The following SPG11 variants were observed in gnomAD, a reference collection of about 807,000 sequenced individuals.
SPG11 encodes SPG11 vesicle trafficking associated, spatacsin.
Under a neutral mutation model 274.0 loss-of-function variants are expected in SPG11, and 222 were observed. The ratio of observed to expected loss-of-function variants is 0.81; its 90% CI spans 0.73 to 0.91. The LOEUF is 0.91. SPG11 is among the 40% of genes least tolerant of loss of function. The probability of loss-of-function intolerance (pLI) is 0.00; values close to 1 mark genes in which losing one functional copy is unlikely to be tolerated. For missense variants in SPG11, 3,114 were observed against 2,872.7 expected (o/e 1.08, Z -1.92); for synonymous variants, 1,144 against 1,039.7 (o/e 1.10, Z -1.93).
chr15:44,595,641 CAG>C (rs111855660), intron 25 of SPG11, among the ~76,000 whole-genome samples, 182 bp from the exon 26 acceptor site: 2 of 152,314 alleles, frequency 1.3e-5, no homozygotes, highest in African/African-American at 4.8e-5. Context: ...AACTGTCCTG[CAG>C]AGTGTTGCAG....
intron 35 of SPG11, among the ~76,000 whole-genome samples, chr15:44,568,317 T>C (rs1047484103): frequency 1.3e-5 from 2 of 152,216 alleles, no homozygotes; most frequent in Non-Finnish European, 2.9e-5. Context: ...TTAAAAACCC[T>C]TGGGGGATCT....
chr15:44,567,733 T>C (rs1319172160), intron 35 of SPG11, 141 bp from the exon 36 acceptor site: 1 of 886,600 alleles, frequency 1.1e-6, no homozygotes, highest in African/African-American at 1.7e-5. Flanking sequence ...ACAAGTTTTA[T>C]GCTGTCCCAA....
At chr15:44,570,791 G>A (rs892173435) in intron 33 of SPG11, 133 bp from the exon 34 acceptor site, 25 of 1,139,632 alleles carry the variant, frequency 2.2e-5, no homozygotes, top group Admixed American at 8.3e-5. Context: ...TCAGCCCTCC[G>A]AAGTCCCTGA....
At chr15:44,621,581 C>A in intron 14 of SPG11, 178 bp downstream of exon 14, 1 of 625,648 alleles carries the variant, frequency 1.6e-6, no homozygotes, top group East Asian at 2.9e-5. Flanking sequence ...ATTATAAATC[C>A]CTCCCAGAAA....
intron 6 of SPG11, among the ~76,000 whole-genome samples, chr15:44,651,278 TTC>T (rs1486454947): frequency 6.6e-6 from 1 of 152,160 alleles, no homozygotes; most frequent in African/African-American, 2.4e-5. Flanking sequence ...CTCTCAAACT[TTC>T]TCTTAGTATC....
chr15:44,600,085 TTA>T (rs1211676457), intron 21 of SPG11, among the ~76,000 whole-genome samples: 1 of 152,214 alleles, frequency 6.6e-6, no homozygotes, highest in East Asian at 1.9e-4. Flanking sequence ...CAAAACATAT[TTA>T]TGTTTTTTCC....
intron 25 of SPG11, among the ~76,000 whole-genome samples, 167 bp from the exon 26 acceptor site, chr15:44,595,626 T>C (rs149248720): frequency 3.9e-4 from 60 of 152,346 alleles, no homozygotes; most frequent in African/African-American, 1.4e-3. Flanking sequence ...CAAGGGACTG[T>C]TCTAAACTGT....
intron 29 of SPG11, 97 bp from the exon 30 acceptor site, chr15:44,584,655 G>A: frequency 2.1e-6 from 3 of 1,395,996 alleles, no homozygotes; most frequent in East Asian, 2.3e-5. Flanking sequence ...TTTGGACAGG[G>A]TCTCAGTCTG....
At chr15:44,616,480 G>C (rs781732193) in intron 15 of SPG11, among the ~76,000 whole-genome samples, 1 of 152,154 alleles carries the variant, frequency 6.6e-6, no homozygotes, top group South Asian at 2.1e-4. Flanking sequence ...TTACAGGTGT[G>C]AGCCACTGTG....
intron 1 of SPG11, among the ~76,000 whole-genome samples, chr15:44,662,204 G>C (rs1474314808): frequency 6.6e-6 from 1 of 152,132 alleles, no homozygotes; most frequent in Non-Finnish European, 1.5e-5. Flanking sequence ...CGAGCAACTA[G>C]ACATCAAGGG....
At chr15:44,574,687 G>C (rs2082497081) in intron 31 of SPG11, among the ~76,000 whole-genome samples, 2 of 152,160 alleles carry the variant, frequency 1.3e-5, no homozygotes, top group African/African-American at 4.8e-5. Context: ...GGTTTGCTGA[G>C]CTGCAGCCAG....
At position 44,592,403 on chromosome 15, in the gene SPG11, T is replaced by C. The variant is rs746273798; in HGVS notation, c.4671A>G (p.Glu1557=). ...TATAATTCCTGAAGAACATACACAG[T>C]TCATACATCTCCATCACCAGTAGTA... The part of the protein sequence containing the change: ...SPLLLVMEMY[E]LCMFFRNYKE... The change falls in exon 27 of 40, where the codon GAA becomes GAG. Residue 1557 remains glutamate (E), a synonymous_variant. Coordinates refer to ENST00000261866, the MANE Select transcript of SPG11 (RefSeq NM_025137.4). 1 of 1,611,068 alleles carries C rather than the reference T, an allele frequency of 6.2e-7. No homozygotes were observed. Among genetic ancestry groups the C allele is most frequent in the South Asian group, 1.1e-5 (1 of 91,012 alleles).
At chr15:44,657,061 T>C in intron 4 of SPG11, 34 bp downstream of exon 4, 2 of 1,589,164 alleles carry the variant, frequency 1.3e-6, no homozygotes, top group African/African-American at 1.3e-5. Context: ...TCTAACTATT[T>C]ACCTCAAATT....
chr15:44,596,831 G>A lies in SPG11; in HGVS notation c.4114C>T (p.Leu1372=). 6.2e-7 allele frequency: 1 copy of A among 1,614,100 alleles called. No individual in the cohort carries two copies. The highest frequency in any genetic ancestry group is 8.5e-7 in the Non-Finnish European group (1 of 1,180,010). Residue 1372 remains leucine (L), a synonymous_variant, in exon 24 of 40, where the codon CTG becomes TTG. Coordinates refer to ENST00000261866, the MANE Select transcript of SPG11 (RefSeq NM_025137.4). The stretch of plus-strand genomic sequence containing the variant: ...AGTTGGCTGTGAATAATGAACTGCA[G>A]CCAATCATTTGCTTTGGCACATTCT... The part of the protein sequence containing the change: ...LRECAKANDW[L]QFIIHSQLHN...
intron 7 of SPG11, among the ~76,000 whole-genome samples, chr15:44,639,729 C>T (rs1462449792): frequency 2.6e-5 from 4 of 151,180 alleles, no homozygotes; most frequent in Non-Finnish European, 4.4e-5. Flanking sequence ...GAAGTACATA[C>T]AAGGATTTGA....
In SPG11 at chr15:44,566,407, T is replaced by C. The variant is rs1048172959; in HGVS notation, c.6755-102A>G. The C allele has an allele frequency of 4.4e-5, 51 of 1,168,494 alleles. No homozygotes were observed. The African/African-American group carries it at 6.4e-4, about 15-fold the overall frequency. 72.4% of individuals were successfully genotyped at this position (1,168,494 alleles called of 1,614,324 possible). ...GGCTAGAATAGAAACATCCCAGCCA[T>C]GTTCACAGGCAGGCAGGAACACCTC... On this transcript the variant is annotated intron_variant, in intron 36 of 39. Coordinates refer to ENST00000261866, the MANE Select transcript of SPG11 (RefSeq NM_025137.4).
At chr15:44,596,660 C>CAAATAA in intron 24 of SPG11, 124 bp downstream of exon 24, 2 of 270,292 alleles carry the variant, frequency 7.4e-6, no homozygotes, top group Non-Finnish European at 1.3e-5. Flanking sequence ...GTATCCTGGT[C>CAAATAA]AAAAAAAAAA....
intron 9 of SPG11, 28 bp from the exon 10 acceptor site, chr15:44,628,872 G>A (rs756420388): frequency 6.6e-7 from 1 of 1,521,694 alleles, no homozygotes; most frequent in Non-Finnish European, 9.1e-7. Flanking sequence ...GTGCCAATTT[G>A]TGTGTGTGTG....
Position 44,648,915 on chromosome 15 carries a change from CAAAG to C in SPG11, c.1549_1552del (p.Leu517ValfsTer16), listed in dbSNP as rs1252354289. On this transcript the variant is annotated frameshift_variant, in exon 7 of 40. Coordinates refer to ENST00000261866, the MANE Select transcript of SPG11 (RefSeq NM_025137.4). LOFTEE classifies it high-confidence loss of function. ...GCACCTTCCCCAGCCATTGAGATGACAAAGAGTGTCCACAGTGCTGGCACTTCCA... is the reference window on the plus strand; with the variant it reads ...GCACCTTCCCCAGCCATTGAGATGACAGTGTCCACAGTGCTGGCACTTCCA... 6.2e-7 allele frequency: 1 copy of C among 1,614,118 alleles called. No homozygotes were observed. Among genetic ancestry groups the C allele is most frequent in the Non-Finnish European group, 8.5e-7 (1 of 1,179,986 alleles).
Sources: gnomAD v4.1 joint callset for allele counts (sites outside exome capture counted in the v4.1 genomes callset) on GRCh38, gnomAD v4.1.1 for gene constraint, MANE v1.5 for transcripts, NCBI Gene and HGNC (gene_info 2026-07-23, HGNC 2026-07-21) for gene names.